RPTOR: variants seen among roughly 807,000 people sequenced by gnomAD.
RPTOR encodes the protein regulatory associated protein of MTOR complex 1, also known as regulatory-associated protein of mTOR.
A neutral mutation model predicts 169.9 loss-of-function variants in RPTOR; 21 were observed. That is an observed-to-expected ratio of 0.12 (90% CI 0.09 to 0.18). The LOEUF (loss-of-function observed/expected upper bound fraction) is 0.18, where lower values mean the gene tolerates loss of function less well. RPTOR is among the 10% of genes least tolerant of loss of function. The probability of loss-of-function intolerance (pLI) is 1.00; values close to 1 mark genes in which losing one functional copy is unlikely to be tolerated. For synonymous variants in RPTOR, 732 were observed against 753.2 expected, an observed-to-expected ratio of 0.97 and a Z score of 0.46; for missense variants, 1,133 against 1,855.9, an observed-to-expected ratio of 0.61 and a Z score of 7.16.
At chr17:80,731,889 A>T (rs1455209375) in intron 5 of RPTOR, among the ~76,000 whole-genome samples, 1 of 152,228 alleles carries the variant, frequency 6.6e-6, no homozygotes, top group Non-Finnish European at 1.5e-5. Context: ...TGAATATTTT[A>T]TAATTATTAA....
chr17:80,624,740 G>A (rs984944316), intron 1 of RPTOR, among the ~76,000 whole-genome samples: 1 of 152,132 alleles, frequency 6.6e-6, no homozygotes, highest in Non-Finnish European at 1.5e-5. Flanking sequence ...ACATCCAGAC[G>A]GCTTAAAGGG....
chr17:80,702,787 C>T (rs1014434748), intron 3 of RPTOR, among the ~76,000 whole-genome samples: 3 of 152,176 alleles, frequency 2.0e-5, no homozygotes, highest in Non-Finnish European at 4.4e-5. Flanking sequence ...TAATCTACCC[C>T]GTGGCCTTCT....
chr17:80,795,478 G>T (rs1263165689), intron 7 of RPTOR, among the ~76,000 whole-genome samples: 1 of 152,162 alleles, frequency 6.6e-6, no homozygotes, highest in African/African-American at 2.4e-5. Flanking sequence ...ACAGCTGGAG[G>T]TTAGGGCAGT....
chr17:80,961,376 G>A lies in RPTOR; in HGVS notation c.3606-18G>A, dbSNP rs761387215. 26 of 1,543,952 alleles carry A rather than the reference G, an allele frequency of 1.7e-5. No homozygotes were observed. Among genetic ancestry groups the A allele is most frequent in the African/African-American group, 1.2e-4 (9 of 72,962 alleles). On this transcript the variant is annotated intron_variant, in intron 30 of 33. Transcript: ENST00000306801. ...CCTTCAGGGAAGCCCCACGCTGAGCGTGCCCCCTCCCCTACAGCCGCGTCA... is the reference window on the plus strand; with the variant it reads ...CCTTCAGGGAAGCCCCACGCTGAGCATGCCCCCTCCCCTACAGCCGCGTCA...
chr17:80,697,580 G>GATAGGTGCAGGTGGCGGCGTT (rs1364852809), intron 3 of RPTOR, among the ~76,000 whole-genome samples: 34 of 152,356 alleles, frequency 2.2e-4, no homozygotes, highest in African/African-American at 7.9e-4. Context: ...GTGGCGGCGT[G>GATAGGTGCAGGTGGCGGCGTT]ATAGGTGCAG....
chr17:80,937,168 AG>A (rs2068964878), intron 24 of RPTOR, among the ~76,000 whole-genome samples: 1 of 152,104 alleles, frequency 6.6e-6, no homozygotes, highest in Non-Finnish European at 1.5e-5. Flanking sequence ...GTGGAGAGGG[AG>A]GGAGCTGGCA....
intron 7 of RPTOR, among the ~76,000 whole-genome samples, chr17:80,794,894 G>C (rs181323685): frequency 3.7e-4 from 57 of 152,320 alleles, no homozygotes; most frequent in Non-Finnish European, 7.9e-4. Flanking sequence ...CTGTTGCCAG[G>C]GATTAGAGGG....
chr17:80,901,523 T>C (rs909954225), intron 20 of RPTOR, among the ~76,000 whole-genome samples: 2 of 152,186 alleles, frequency 1.3e-5, no homozygotes, highest in Non-Finnish European at 2.9e-5. Context: ...GCCTCATTCA[T>C]ATTCAGTGAG....
intron 1 of RPTOR, among the ~76,000 whole-genome samples, chr17:80,557,942 T>G (rs1310602951): frequency 1.3e-5 from 2 of 152,032 alleles, no homozygotes; most frequent in African/African-American, 4.8e-5. Context: ...TAATAATAAA[T>G]AAATACATAA....
intron 1 of RPTOR, among the ~76,000 whole-genome samples, chr17:80,580,221 T>C: frequency 6.6e-6 from 1 of 150,770 alleles, no homozygotes; most frequent in East Asian, 2.0e-4. Flanking sequence ...ACTCATGTTA[T>C]GATGAGACAG....
At position 80,965,715 on chromosome 17, in the gene RPTOR, G is replaced by A; in HGVS notation, c.*1385G>A. 1 of 233,348 alleles carries A rather than the reference G, an allele frequency of 4.3e-6. No homozygotes were observed. Among genetic ancestry groups the A allele is most frequent in the Non-Finnish European group, 8.5e-6 (1 of 118,110 alleles). 14.5% of individuals were successfully genotyped at this position (233,348 alleles called of 1,614,324 possible). A position where few individuals can be genotyped will look rare whatever the true frequency, so the allele number is the denominator to read the frequency against. On this transcript the variant is annotated 3_prime_UTR_variant, in exon 34 of 34. Transcript: ENST00000306801. ...GCATCTTCTGGGTGGATGGAACCCT[G>A]CCTGGTCACATTTGGCCAGAGACAC...
At chr17:80,858,083 TG>T in intron 13 of RPTOR, 183 bp downstream of exon 13, 1 of 609,172 alleles carries the variant, frequency 1.6e-6, no homozygotes. Context: ...CTCTGGGTCG[TG>T]GGGGCTGTCA....
chr17:80,601,557 T>TC lies in RPTOR; in HGVS notation c.163-24134_163-24133insC, dbSNP rs1238531111. Among the ~76,000 whole-genome samples the TC allele has an allele frequency of 1.0e-3, 50 of 49,576 alleles. 10 individuals carry two copies. The highest frequency in any genetic ancestry group is 2.2e-3 in the East Asian group (5 of 2,272). 32.5% of individuals were successfully genotyped at this position (49,576 alleles called of 152,430 possible). The stretch of plus-strand genomic sequence containing the variant: ...GCTGTTGGTGAAGATGGTTCAGTCT[T>TC]TTTTTTTTTTTTTTTAAATTTATTT... On this transcript the variant is annotated intron_variant, in intron 1 of 33. Transcript: ENST00000306801.
chr17:80,807,889 T>C (rs911092919), intron 7 of RPTOR, among the ~76,000 whole-genome samples: 2 of 152,116 alleles, frequency 1.3e-5, no homozygotes, highest in African/African-American at 4.8e-5. Context: ...TTTAAAAATG[T>C]AAAAACCATT....
intron 1 of RPTOR, among the ~76,000 whole-genome samples, chr17:80,563,647 T>C (rs1373966918): frequency 6.6e-6 from 1 of 151,816 alleles, no homozygotes; most frequent in Non-Finnish European, 1.5e-5. Context: ...AATCAAGATA[T>C]TTGTTTTAGT....
chr17:80,869,252 C>G (rs763237614), intron 13 of RPTOR, among the ~76,000 whole-genome samples: 1 of 152,068 alleles, frequency 6.6e-6, no homozygotes, highest in Admixed American at 6.5e-5. Context: ...CTCCGCCTCC[C>G]GGGTTCAAGC....
At chr17:80,601,511 A>G (rs1284244234) in intron 1 of RPTOR, among the ~76,000 whole-genome samples, 1 of 147,194 alleles carries the variant, frequency 6.8e-6, no homozygotes. Context: ...CTTCCCTGGC[A>G]GATTATTTTA....
rs1210241393 is a variant in RPTOR, at chr17:80,965,469, CG to C, written c.*1140del. Reference sequence around the variant, plus strand: ...GTGGACAGTCCCGCCCAGGAGGGGCCGCAGGGCGTGTATGAGCAGTTTTGCA... The same window carrying C: ...GTGGACAGTCCCGCCCAGGAGGGGCCCAGGGCGTGTATGAGCAGTTTTGCA... On this transcript the variant is annotated 3_prime_UTR_variant, in exon 34 of 34. Coordinates refer to ENST00000306801, the MANE Select transcript of RPTOR (RefSeq NM_020761.3). 2.1e-5 allele frequency: 5 copies of C among 233,254 alleles called. No homozygotes were observed. Among genetic ancestry groups the C allele is most frequent in the Non-Finnish European group, 2.5e-5 (3 of 118,088 alleles). 14.4% of individuals were successfully genotyped at this position (233,254 alleles called of 1,614,324 possible).
chr17:80,558,974 A>G (rs2084445134), intron 1 of RPTOR, among the ~76,000 whole-genome samples: 2 of 152,134 alleles, frequency 1.3e-5, no homozygotes, highest in Non-Finnish European at 2.9e-5. Context: ...CACACAGTTT[A>G]GTGGCAGCAA....
Sources: gnomAD v4.1 joint callset for allele counts (sites outside exome capture counted in the v4.1 genomes callset) on GRCh38, gnomAD v4.1.1 for gene constraint, MANE v1.5 for transcripts, NCBI Gene and HGNC (gene_info 2026-07-23, HGNC 2026-07-21) for gene names.